The following TRPM1 variants were observed in gnomAD, a reference collection of about 807,000 sequenced individuals.
The protein encoded by TRPM1 is TRPM1-203 APA Isoform, Intron 10.
TRPM1 carries 113 observed loss-of-function variants against 149.4 expected under a neutral mutation model. That is an observed-to-expected ratio of 0.76 (90% CI 0.65 to 0.88). The LOEUF is 0.88. TRPM1 is among the 40% of genes least tolerant of loss of function. The pLI is 0.00. For missense variants in TRPM1, 1,976 were observed against 2,038.7 expected (o/e 0.97, Z 0.59); for synonymous variants, 741 against 759.5 (o/e 0.98, Z 0.40).
intron 4 of TRPM1, 95 bp from the exon 5 acceptor site, chr15:31,068,187 G>T: frequency 8.8e-7 from 1 of 1,141,340 alleles, no homozygotes. Flanking sequence ...AGCAAGAACT[G>T]CCTGGCTTGT....
At chr15:31,062,218 C>T (rs1042687248) in intron 9 of TRPM1, among the ~76,000 whole-genome samples, 1 of 152,080 alleles carries the variant, frequency 6.6e-6, no homozygotes, top group African/African-American at 2.4e-5. Context: ...GTAAATGGAA[C>T]GGAAGAGGGA....
chr15:31,014,314 C>G (rs1421124335), intron 27 of TRPM1, among the ~76,000 whole-genome samples: 1 of 152,152 alleles, frequency 6.6e-6, no homozygotes, highest in Non-Finnish European at 1.5e-5. Flanking sequence ...TGTTCCAACT[C>G]AGGTGAAATA....
intron 1 of TRPM1, among the ~76,000 whole-genome samples, chr15:31,117,457 G>A (rs2035814885): frequency 1.3e-5 from 2 of 152,058 alleles, no homozygotes; most frequent in African/African-American, 4.8e-5. Context: ...CTGCACTCCA[G>A]CCTGGGCAAC....
intron 1 of TRPM1, among the ~76,000 whole-genome samples, chr15:31,118,928 G>A (rs550288731): frequency 1.1e-3 from 166 of 152,042 alleles, no homozygotes; most frequent in Non-Finnish European, 2.0e-3. Context: ...CATTCAGTCC[G>A]TTGCATGACA....
At chr15:31,047,007 A>G in intron 15 of TRPM1, 104 bp downstream of exon 15, 1 of 1,491,068 alleles carries the variant, frequency 6.7e-7, no homozygotes, top group Non-Finnish European at 9.4e-7. Context: ...TGCTGGGGAC[A>G]GGGCGAAGGG....
intron 26 of TRPM1, 70 bp from the exon 27 acceptor site, chr15:31,026,341 T>A: frequency 6.4e-7 from 1 of 1,573,392 alleles, no homozygotes; most frequent in South Asian, 1.1e-5. Flanking sequence ...CAATGAGAAT[T>A]TCACAGCCCC....
At position 31,067,165 on chromosome 15, in the gene TRPM1, A is replaced by G. The variant is rs2034401243; in HGVS notation, c.516T>C (p.Asp172=). ...VSTGVISHVG[D]ALKDHSSKSR... ...ACTTGGAGGAGTGGTCTTTCAAGGC[A>G]TCCCCTACGTGGCTGATAACACCTG... The change falls in exon 6 of 28, where the codon GAT becomes GAC. Residue 172 remains aspartate (D), a synonymous_variant. Transcript: ENST00000256552. The G allele has an allele frequency of 1.2e-6, 2 of 1,614,072 alleles. No homozygotes were observed. Among genetic ancestry groups the G allele is most frequent in the Non-Finnish European group, 1.7e-6 (2 of 1,180,038 alleles).
At position 31,067,950 on chromosome 15, in the gene TRPM1, A is replaced by T. The variant is rs889959877; in HGVS notation, c.422T>A (p.Val141Asp). Residue 141 changes from valine (V) to aspartate (D), a missense_variant, in exon 5 of 28, where the codon GTC (valine) becomes GAC (aspartate). Around this residue, in one of 3 missense-constraint regions of TRPM1, gnomAD observed 1,332 missense variants for 1,347.1 expected, o/e 0.99. Coordinates refer to ENST00000256552, the MANE Select transcript of TRPM1 (RefSeq NM_001252024.2). Reference protein sequence around the residue: ...NFEMQPKLKQVFGKGLIKAAM... With the variant: ...NFEMQPKLKQDFGKGLIKAAM... ...AGCCTTGATCAGGCCTTTCCCAAAG[A>T]CTTGTTTCAGCTTGGGCTGCATCTC... The T allele has an allele frequency of 1.2e-6, 2 of 1,614,110 alleles. No individual in the cohort carries two copies. Among genetic ancestry groups the T allele is most frequent in the East Asian group, 2.2e-5 (1 of 44,876 alleles).
At chr15:31,066,272 A>AGAC (rs767012428) in intron 6 of TRPM1, 25 bp from the exon 7 acceptor site, 1 of 1,614,130 alleles carries the variant, frequency 6.2e-7, no homozygotes, top group Admixed American at 1.7e-5. Context: ...AGCGCAAATC[A>AGAC]GACCTGCAGG....
At chr15:31,016,936 G>A (rs1018817393) in intron 27 of TRPM1, among the ~76,000 whole-genome samples, 6 of 151,070 alleles carry the variant, frequency 4.0e-5, no homozygotes, top group African/African-American at 1.5e-4. Context: ...ACACCTGAAT[G>A]CCCTAATCAG....
intron 1 of TRPM1, among the ~76,000 whole-genome samples, chr15:31,112,765 C>T (rs2035708737): frequency 6.6e-6 from 1 of 152,154 alleles, no homozygotes; most frequent in Non-Finnish European, 1.5e-5. Context: ...TAAATTTGGG[C>T]AACTCTGCTT....
intron 1 of TRPM1, among the ~76,000 whole-genome samples, chr15:31,140,988 ATT>A (rs59328191): frequency 3.5e-5 from 5 of 140,956 alleles, no homozygotes; most frequent in African/African-American, 7.8e-5. Flanking sequence ...CATCCAGCTA[ATT>A]TTTTTTTTTT....
intron 27 of TRPM1, 79 bp from the exon 28 acceptor site, chr15:31,003,149 G>T: frequency 7.5e-7 from 1 of 1,332,894 alleles, no homozygotes; most frequent in Non-Finnish European, 1.0e-6. Context: ...TCATTGCTAT[G>T]TGATTTTTCA....
intron 1 of TRPM1, among the ~76,000 whole-genome samples, chr15:31,119,930 A>C (rs75976543): frequency 0.01 from 1,565 of 152,234 alleles, 29 homozygotes; most frequent in Non-Finnish European, 0.012. Flanking sequence ...AAGGCAGAAA[A>C]AGAAGGGAAG....
intron 1 of TRPM1, among the ~76,000 whole-genome samples, chr15:31,149,695 A>G (rs993427194): frequency 6.6e-6 from 1 of 151,860 alleles, no homozygotes; most frequent in Non-Finnish European, 1.5e-5. Flanking sequence ...AATTTTTTGT[A>G]TTTTTAGTAG....
At chr15:31,016,287 T>C (rs1037473599) in intron 27 of TRPM1, among the ~76,000 whole-genome samples, 1 of 152,240 alleles carries the variant, frequency 6.6e-6, no homozygotes, top group Admixed American at 6.5e-5. Context: ...ATGTTTTTAG[T>C]ATAACAAGTA....
At chr15:31,026,807 G>T in intron 26 of TRPM1, 108 bp downstream of exon 26, 2 of 1,145,094 alleles carry the variant, frequency 1.7e-6, no homozygotes, top group Non-Finnish European at 2.6e-6. Flanking sequence ...GACTGAGTGT[G>T]GTGCTTTTCA....
At chr15:31,109,070 G>A (rs2035647051) in intron 1 of TRPM1, among the ~76,000 whole-genome samples, 1 of 152,132 alleles carries the variant, frequency 6.6e-6, no homozygotes, top group East Asian at 1.9e-4. Flanking sequence ...GGGAGCCAGT[G>A]CTCATATAAA....
At chr15:31,135,283 A>T (rs1490474130) in intron 1 of TRPM1, among the ~76,000 whole-genome samples, 2 of 152,190 alleles carry the variant, frequency 1.3e-5, no homozygotes, top group Non-Finnish European at 2.9e-5. Context: ...AAGGTTACAC[A>T]CCACCATAGC....
Sources: gnomAD v4.1 joint callset for allele counts (sites outside exome capture counted in the v4.1 genomes callset) on GRCh38, gnomAD v4.1.1 for gene constraint, gnomAD v4.1.1 regional missense constraint, MANE v1.5 for transcripts, NCBI Gene and HGNC (gene_info 2026-07-23, HGNC 2026-07-21) for gene names.